HAPSTR1: variants seen among roughly 807,000 people sequenced by gnomAD.
HAPSTR1 encodes the protein HUWE1 associated protein modifying stress responses.
At chr16:9,119,673 T>A in the HAPSTR1 span, 1 of 152,264 alleles carries the variant, frequency 6.6e-6, no homozygotes, top group African/African-American at 2.4e-5. Flanking sequence ...ACCTTAATCA[T>A]AAAATGAATA....
At chr16:9,114,834 G>C in the HAPSTR1 span, among the ~76,000 whole-genome samples, 1 of 152,228 alleles carries the variant, frequency 6.6e-6, no homozygotes, top group Non-Finnish European at 1.5e-5. Context: ...GTTTTCACCT[G>C]CAGAATGGAG....
the HAPSTR1 span, among the ~76,000 whole-genome samples, chr16:9,102,537 A>C: frequency 3.3e-5 from 5 of 152,302 alleles, no homozygotes; most frequent in East Asian, 9.6e-4. Flanking sequence ...TTTTCCTTCT[A>C]AAACATTTGC....
chr16:9,117,116 C>G, the HAPSTR1 span: 10 of 679,978 alleles, frequency 1.5e-5, no homozygotes, highest in East Asian at 1.1e-4. Context: ...AACTATAATC[C>G]TAGCAGAGGA....
At chr16:9,094,639 C>T in the HAPSTR1 span, among the ~76,000 whole-genome samples, 1 of 152,146 alleles carries the variant, frequency 6.6e-6, no homozygotes, top group Non-Finnish European at 1.5e-5. Flanking sequence ...GTTCCAGTTA[C>T]TATGATAAGG....
chr16:9,112,058 A>C, the HAPSTR1 span: 1 of 152,114 alleles, frequency 6.6e-6, no homozygotes, highest in Non-Finnish European at 1.5e-5. Flanking sequence ...AATTGGTTTG[A>C]TTTAGTGTGC....
chr16:9,101,020 A>G, the HAPSTR1 span, among the ~76,000 whole-genome samples: 1 of 152,236 alleles, frequency 6.6e-6, no homozygotes, highest in Non-Finnish European at 1.5e-5. Flanking sequence ...ATTAAAAGCA[A>G]TTCTTCTAGG....
chr16:9,103,407 T>G, the HAPSTR1 span: 1 of 854,924 alleles, frequency 1.2e-6, no homozygotes, highest in African/African-American at 1.7e-5. Flanking sequence ...GAATGTAAGC[T>G]AAGAACTTAA....
the HAPSTR1 span, among the ~76,000 whole-genome samples, chr16:9,099,615 G>A: frequency 6.6e-6 from 1 of 152,202 alleles, no homozygotes; most frequent in Non-Finnish European, 1.5e-5. Flanking sequence ...AGTGACTTTG[G>A]TTTCTGTAAA....
the HAPSTR1 span, chr16:9,103,502 CT>C: frequency 6.3e-6 from 3 of 477,590 alleles, 1 homozygote; most frequent in Middle Eastern, 1.1e-3. Context: ...AATGACATAT[CT>C]TTCTGCAGTG....
the HAPSTR1 span, among the ~76,000 whole-genome samples, chr16:9,102,604 C>T: frequency 6.6e-6 from 1 of 152,202 alleles, no homozygotes; most frequent in Non-Finnish European, 1.5e-5. Context: ...AGGAATGTAT[C>T]TCCACAATGA....
At chr16:9,104,990 A>G in the HAPSTR1 span, 1 of 152,228 alleles carries the variant, frequency 6.6e-6, no homozygotes, top group Admixed American at 6.5e-5. Flanking sequence ...TTTAGAAGAT[A>G]GTTTTAAGAA....
At chr16:9,109,263 T>G in the HAPSTR1 span, 2 of 152,158 alleles carry the variant, frequency 1.3e-5, no homozygotes, top group South Asian at 4.1e-4. Flanking sequence ...AGGGTTGGAT[T>G]GAAATCTAGT....
the HAPSTR1 span, chr16:9,119,926 C>T: frequency 1.3e-5 from 2 of 152,194 alleles, no homozygotes; most frequent in Non-Finnish European, 2.9e-5. Flanking sequence ...CAACATCCAA[C>T]CCAGAGGGCT....
chr16:9,113,366 A>G, the HAPSTR1 span, among the ~76,000 whole-genome samples: 1 of 152,214 alleles, frequency 6.6e-6, no homozygotes, highest in Non-Finnish European at 1.5e-5. Flanking sequence ...ATGATTTCCC[A>G]GAAGCTGTTA....
At chr16:9,103,341 C>G in the HAPSTR1 span, 11 of 1,405,920 alleles carry the variant, frequency 7.8e-6, no homozygotes, top group Admixed American at 1.9e-4. Flanking sequence ...AGGTTTAGGT[C>G]CAGATATACT....
the HAPSTR1 span, chr16:9,105,040 G>A: frequency 6.6e-6 from 1 of 152,110 alleles, no homozygotes; most frequent in Admixed American, 6.6e-5. Flanking sequence ...TAGTAGTAGT[G>A]TACATAATAG....
chr16:9,100,781 C>T, the HAPSTR1 span, among the ~76,000 whole-genome samples: 1 of 152,126 alleles, frequency 6.6e-6, no homozygotes, highest in Non-Finnish European at 1.5e-5. Context: ...GTGATCCACC[C>T]ACCTTGGCCT....
the HAPSTR1 span, chr16:9,111,912 T>C: frequency 2.0e-5 from 3 of 152,206 alleles, no homozygotes; most frequent in Non-Finnish European, 2.9e-5. Context: ...ATATGATTAC[T>C]GTATCTTGCT....
the HAPSTR1 span, among the ~76,000 whole-genome samples, chr16:9,099,120 C>T: frequency 4.5e-5 from 6 of 133,566 alleles, no homozygotes; most frequent in African/African-American, 1.9e-4. Flanking sequence ...GTTTCCCATG[C>T]TTATATAAAA....
Sources: gnomAD v4.1 joint callset for allele counts (sites outside exome capture counted in the v4.1 genomes callset) on GRCh38, gnomAD v4.1.1 for gene constraint, MANE v1.5 for transcripts, NCBI Gene and HGNC (gene_info 2026-07-23, HGNC 2026-07-21) for gene names.